Variants in RCAN2 observed in about 807,000 individuals in gnomAD.
The protein encoded by RCAN2 is calcipressin-2.
Under a neutral mutation model 23.6 loss-of-function variants are expected in RCAN2, and 9 were observed. That is an observed-to-expected ratio of 0.38 (90% confidence interval 0.23 to 0.67). The LOEUF (loss-of-function observed/expected upper bound fraction) is 0.67. RCAN2 is among the 30% of genes least tolerant of loss of function. The probability of loss-of-function intolerance (pLI) is 0.51; values close to 1 mark genes in which losing one functional copy is unlikely to be tolerated. For synonymous variants in RCAN2, 109 were observed against 115.7 expected (o/e 0.94, Z 0.37); for missense variants, 273 against 302.3 (o/e 0.90, Z 0.72).
chr6:46,256,696 C>A (rs986490596), intron 2 of RCAN2, among the ~76,000 whole-genome samples: 2 of 151,976 alleles, frequency 1.3e-5, no homozygotes, highest in Non-Finnish European at 2.9e-5. Context: ...CTTATTTGTG[C>A]CCCAGATTTT....
At chr6:46,264,539 TA>T (rs1178769881) in intron 2 of RCAN2, among the ~76,000 whole-genome samples, 2 of 152,190 alleles carry the variant, frequency 1.3e-5, no homozygotes, top group Non-Finnish European at 1.5e-5. Context: ...GAAAAGAATG[TA>T]TATTAATGAT....
chr6:46,479,101 A>G (rs1768788898), intron 1 of RCAN2, among the ~76,000 whole-genome samples: 1 of 152,226 alleles, frequency 6.6e-6, no homozygotes, highest in African/African-American at 2.4e-5. Flanking sequence ...CAAAGGAAAT[A>G]TCAATGACTT....
intron 2 of RCAN2, among the ~76,000 whole-genome samples, chr6:46,382,898 G>A (rs140617146): frequency 5.3e-5 from 8 of 152,188 alleles, no homozygotes; most frequent in East Asian, 1.9e-4. Flanking sequence ...CTCACCTACC[G>A]ATAGTTACAG....
At chr6:46,360,215 T>A (rs1340734517) in intron 2 of RCAN2, among the ~76,000 whole-genome samples, 1 of 151,838 alleles carries the variant, frequency 6.6e-6, no homozygotes, top group Non-Finnish European at 1.5e-5. Flanking sequence ...TATACCAAGG[T>A]CTTAAGAGAC....
intron 2 of RCAN2, among the ~76,000 whole-genome samples, chr6:46,352,393 T>C (rs1764682455): frequency 6.6e-6 from 1 of 152,162 alleles, no homozygotes; most frequent in African/African-American, 2.4e-5. Flanking sequence ...TCCATTTCCC[T>C]CCATCCCACC....
rs538855177 is a variant in RCAN2, at chr6:46,471,888, T to G, written c.-2-14910A>C. 1.5e-4 allele frequency among the ~76,000 whole-genome samples: 23 copies of G among 152,116 alleles called. 1 individual carries two copies. The highest frequency in any genetic ancestry group is 5.6e-4 in the African/African-American group (23 of 41,426). ...CTTCAACAGTCAACAACCAGGTGCG[T>G]GCGCACACACACACACACTCACACA... On this transcript the variant is annotated intron_variant, in intron 1 of 4. Transcript: ENST00000371374.
intron 2 of RCAN2, among the ~76,000 whole-genome samples, chr6:46,326,141 A>G (rs1763788714): frequency 6.6e-6 from 1 of 152,216 alleles, no homozygotes; most frequent in African/African-American, 2.4e-5. Flanking sequence ...TGGAGTGACT[A>G]AAGAGCTGGT....
chr6:46,392,981 C>T (rs899557466), intron 2 of RCAN2, among the ~76,000 whole-genome samples: 4 of 152,026 alleles, frequency 2.6e-5, no homozygotes, highest in African/African-American at 7.2e-5. Context: ...AATATAAAGG[C>T]CATTTTTAAG....
intron 2 of RCAN2, among the ~76,000 whole-genome samples, chr6:46,383,703 G>T (rs1051311684): frequency 1.2e-4 from 19 of 152,122 alleles, no homozygotes; most frequent in African/African-American, 3.9e-4. Context: ...TATTGCTAGT[G>T]CTCAGTTGCC....
intron 2 of RCAN2, among the ~76,000 whole-genome samples, chr6:46,431,083 C>T (rs147903122): frequency 1.1e-3 from 160 of 152,082 alleles, no homozygotes; most frequent in African/African-American, 3.6e-3. Context: ...AACAGCTAAA[C>T]GATTTCTTCC....
At chr6:46,430,816 G>A (rs533643114) in intron 2 of RCAN2, among the ~76,000 whole-genome samples, 2 of 152,254 alleles carry the variant, frequency 1.3e-5, no homozygotes, top group Admixed American at 6.5e-5. Context: ...ACAACAGACA[G>A]GCAACTAAGA....
chr6:46,443,226 T>C (rs1767604544), intron 2 of RCAN2, among the ~76,000 whole-genome samples: 1 of 152,326 alleles, frequency 6.6e-6, no homozygotes, highest in Non-Finnish European at 1.5e-5. Context: ...GCTTTAATAT[T>C]TAAAACTAAT....
At chr6:46,224,490 C>G (rs1162895304) in intron 4 of RCAN2, among the ~76,000 whole-genome samples, 1 of 152,160 alleles carries the variant, frequency 6.6e-6, no homozygotes, top group Non-Finnish European at 1.5e-5. Flanking sequence ...TTGTTTTGGT[C>G]AAACTGGTTT....
At chr6:46,430,870 G>A (rs1172016602) in intron 2 of RCAN2, among the ~76,000 whole-genome samples, 1 of 152,138 alleles carries the variant, frequency 6.6e-6, no homozygotes, top group Non-Finnish European at 1.5e-5. Context: ...AAAATTGAGA[G>A]ATGAGGAATA....
chr6:46,280,765 A>G (rs1195064187), intron 2 of RCAN2, among the ~76,000 whole-genome samples: 1 of 152,132 alleles, frequency 6.6e-6, no homozygotes, highest in Non-Finnish European at 1.5e-5. Flanking sequence ...CTCCTCTTCA[A>G]TAAAGAAGTT....
intron 2 of RCAN2, among the ~76,000 whole-genome samples, chr6:46,443,062 C>A (rs1767600709): frequency 6.6e-6 from 1 of 152,130 alleles, no homozygotes; most frequent in South Asian, 2.1e-4. Context: ...CTCCAGAGTA[C>A]AATGATATGC....
intron 2 of RCAN2, among the ~76,000 whole-genome samples, chr6:46,313,790 A>G (rs970487921): frequency 6.6e-6 from 1 of 152,242 alleles, no homozygotes; most frequent in Non-Finnish European, 1.5e-5. Context: ...TTATGAGGCA[A>G]CATTCATTCA....
chr6:46,362,487 C>G (rs1765046150), intron 2 of RCAN2, among the ~76,000 whole-genome samples: 2 of 152,004 alleles, frequency 1.3e-5, no homozygotes, highest in African/African-American at 4.8e-5. Flanking sequence ...GGATGACAAA[C>G]CAAACAAATC....
At chr6:46,423,412 G>C (rs1766940551) in intron 2 of RCAN2, among the ~76,000 whole-genome samples, 1 of 152,102 alleles carries the variant, frequency 6.6e-6, no homozygotes, top group Admixed American at 6.5e-5. Context: ...AAGCAAGAGA[G>C]AACAGAAAAG....
Sources: allele counts gnomAD v4.1 joint callset (sites outside exome capture counted in the v4.1 genomes callset), GRCh38; gene constraint gnomAD v4.1.1; transcripts MANE v1.5; gene names NCBI Gene and HGNC (gene_info 2026-07-23, HGNC 2026-07-21).